HYCC1: variants seen among roughly 807,000 people sequenced by gnomAD.
HYCC1 encodes the protein hyccin PI4KA lipid kinase complex subunit 1, also known as hyccin.
the HYCC1 span, chr7:23,014,088 T>TG: frequency 2.1e-6 from 1 of 470,352 alleles, no homozygotes; most frequent in Non-Finnish European, 4.4e-6. Context: ...TCTCACTGAC[T>TG]GACAACCCAG....
the HYCC1 span, among the ~76,000 whole-genome samples, chr7:22,952,000 GAAC>G: frequency 6.6e-6 from 1 of 151,858 alleles, no homozygotes; most frequent in East Asian, 1.9e-4. Context: ...AGAAAAGAAA[GAAC>G]AACTTGCTCA....
chr7:23,004,643 A>G, the HYCC1 span, among the ~76,000 whole-genome samples: 2 of 152,184 alleles, frequency 1.3e-5, no homozygotes, highest in Admixed American at 6.5e-5. Context: ...TGGGTAAAAA[A>G]AAAATCTCAT....
the HYCC1 span, among the ~76,000 whole-genome samples, chr7:22,957,665 G>A: frequency 6.6e-6 from 1 of 152,010 alleles, no homozygotes; most frequent in African/African-American, 2.4e-5. Flanking sequence ...ACAGCTGAGG[G>A]TTTGGGAAGA....
chr7:22,918,989 T>G, the HYCC1 span, among the ~76,000 whole-genome samples: 307 of 151,990 alleles, frequency 2.0e-3, 1 homozygote, highest in African/African-American at 6.8e-3. Context: ...CTCAAGCCAA[T>G]AACAAAAACA....
chr7:22,971,894 C>T, the HYCC1 span, among the ~76,000 whole-genome samples: 9 of 152,128 alleles, frequency 5.9e-5, no homozygotes, highest in South Asian at 8.3e-4. Flanking sequence ...ATCATGCTCA[C>T]GTAGTTGGAG....
At chr7:22,898,844 G>A in the HYCC1 span, among the ~76,000 whole-genome samples, 1,125 of 152,100 alleles carry the variant, frequency 7.4e-3, 14 homozygotes, top group African/African-American at 0.026. Flanking sequence ...CTTGTGATCT[G>A]CCCGCCTCGG....
the HYCC1 span, among the ~76,000 whole-genome samples, chr7:23,004,832 G>C: frequency 6.6e-6 from 1 of 152,138 alleles, no homozygotes; most frequent in Non-Finnish European, 1.5e-5. Context: ...TTGAGAGGGA[G>C]TCTCACTGTG....
the HYCC1 span, chr7:22,991,257 C>T: frequency 1.6e-6 from 1 of 637,214 alleles, no homozygotes; most frequent in Non-Finnish European, 2.7e-6. Flanking sequence ...GAGTTTCAAA[C>T]ATAAATTACT....
the HYCC1 span, chr7:22,976,544 T>G: frequency 2.9e-6 from 2 of 692,048 alleles, no homozygotes; most frequent in Non-Finnish European, 5.1e-6. Flanking sequence ...CAGTGACAAA[T>G]CTAGATCTGT....
At chr7:22,983,570 T>G in the HYCC1 span, among the ~76,000 whole-genome samples, 1 of 152,242 alleles carries the variant, frequency 6.6e-6, no homozygotes, top group African/African-American at 2.4e-5. Flanking sequence ...ATGTGTTTAC[T>G]TATTTTCTCC....
chr7:22,971,935 T>C, the HYCC1 span, among the ~76,000 whole-genome samples: 3 of 152,286 alleles, frequency 2.0e-5, no homozygotes, highest in South Asian at 2.1e-4. Flanking sequence ...TTGTGAAGGA[T>C]GGGCAAGATT....
At chr7:22,970,426 T>C in the HYCC1 span, among the ~76,000 whole-genome samples, 1 of 152,230 alleles carries the variant, frequency 6.6e-6, no homozygotes, top group Non-Finnish European at 1.5e-5. Flanking sequence ...TGCCAGGCAC[T>C]TCTAAGCTCT....
chr7:22,916,986 T>C, the HYCC1 span, among the ~76,000 whole-genome samples: 1 of 152,350 alleles, frequency 6.6e-6, no homozygotes, highest in Non-Finnish European at 1.5e-5. Context: ...CATTAATGCC[T>C]CTTTAATAAA....
the HYCC1 span, chr7:22,936,260 CACTA>C: frequency 6.6e-6 from 1 of 152,008 alleles, no homozygotes; most frequent in African/African-American, 2.4e-5. Flanking sequence ...ATCAATCTGC[CACTA>C]ACTATCTGGT....
At chr7:22,973,492 GAT>G in the HYCC1 span, among the ~76,000 whole-genome samples, 1 of 152,150 alleles carries the variant, frequency 6.6e-6, no homozygotes, top group Admixed American at 6.5e-5. Flanking sequence ...TGATAAATTT[GAT>G]AGAGTTCCTC....
At chr7:22,945,661 A>T in the HYCC1 span, 1 of 1,613,832 alleles carries the variant, frequency 6.2e-7, no homozygotes, top group Non-Finnish European at 8.5e-7. Flanking sequence ...TTGGAAGTTC[A>T]GTTCTTTCTG....
the HYCC1 span, chr7:22,947,316 A>G: frequency 7.6e-7 from 1 of 1,324,338 alleles, no homozygotes; most frequent in South Asian, 1.4e-5. Context: ...GAGAAAAGCA[A>G]AAGACTCAAA....
At chr7:22,960,646 G>C in the HYCC1 span, among the ~76,000 whole-genome samples, 1 of 152,140 alleles carries the variant, frequency 6.6e-6, no homozygotes, top group Non-Finnish European at 1.5e-5. Flanking sequence ...TATTCAATTA[G>C]ATTTCCAAAT....
chr7:22,989,253 C>T, the HYCC1 span, among the ~76,000 whole-genome samples: 29 of 151,426 alleles, frequency 1.9e-4, no homozygotes, highest in East Asian at 5.6e-3. Flanking sequence ...TGATAACAGA[C>T]TATTTTAATC....
Sources: allele counts gnomAD v4.1 joint callset (sites outside exome capture counted in the v4.1 genomes callset), GRCh38; gene constraint gnomAD v4.1.1; transcripts MANE v1.5; gene names NCBI Gene and HGNC (gene_info 2026-07-23, HGNC 2026-07-21).